Variants in IL22 observed in about 807,000 individuals in gnomAD.
The protein encoded by IL22 is interleukin 22.
In IL22, 15 loss-of-function variants were observed where a neutral mutation model predicts 15.5. The ratio of observed to expected loss-of-function variants is 0.97; its 90% CI spans 0.65 to 1.49. The LOEUF is 1.49. Among genes scored for constraint, IL22 ranks in the 40% most tolerant of loss-of-function variants. The pLI, the probability that IL22 is intolerant of heterozygous loss-of-function variation, is 0.00. For missense variants in IL22, 225 were observed against 215.4 expected, an observed-to-expected ratio of 1.04 and a Z score of -0.28; for synonymous variants, 91 against 82.0, an observed-to-expected ratio of 1.11 and a Z score of -0.60.
chr12:68,250,489 AAAAGGGGG>A (rs2227497), intron 5 of IL22, among the ~76,000 whole-genome samples: 38 of 152,318 alleles, frequency 2.5e-4, no homozygotes, highest in African/African-American at 9.1e-4. Context: ...TCAAGAGGGA[AAAAGGGGG>A]AATTAAGGTT....
rs779491310 is a variant in IL22, at chr12:68,252,567, G to A, written c.333C>T (p.Phe111=). The change falls in exon 4 of 6, where the codon TTC becomes TTT. Residue 111 remains phenylalanine (F), a synonymous_variant. Transcript: ENST00000538666. The part of the protein sequence containing the change: ...EEVLFPQSDR[F]QPYMQEVVPF... ...GCACCACCTCCTGCATATAAGGCTGGAACCTATCAGATTGAGGGAACAGCA... is the reference window on the plus strand; with the variant it reads ...GCACCACCTCCTGCATATAAGGCTGAAACCTATCAGATTGAGGGAACAGCA... 7 of 1,613,892 alleles carry A rather than the reference G, an allele frequency of 4.3e-6. No homozygotes were observed. The highest frequency in any genetic ancestry group is 1.6e-4 in the Middle Eastern group (1 of 6,080).
rs1295978671 is a variant in IL22, at chr12:68,252,648, C to T, written c.253-1G>A. On this transcript the variant is annotated splice_acceptor_variant, in intron 3 of 5. Transcript: ENST00000538666. LOFTEE classifies it high-confidence loss of function. ...TCATCAGATAGCAGCGCTCACTCAT[C>T]TGCAGGTGGAAGGGAAACAGAAAGG... The T allele has an allele frequency of 2.5e-6, 4 of 1,614,032 alleles. No homozygotes were observed.
In IL22 at chr12:68,252,417, G is replaced by A. The variant is rs189045648; in HGVS notation, c.396+87C>T. 5.7e-5 allele frequency: 76 copies of A among 1,341,258 alleles called. 2 individuals carry two copies. In the Admixed American group the frequency reaches 1.2e-3, roughly 22 times the overall value. 83.1% of individuals were successfully genotyped at this position (1,341,258 alleles called of 1,614,324 possible). On this transcript the variant is annotated intron_variant, in intron 4 of 5. Coordinates refer to ENST00000538666, the MANE Select transcript of IL22 (RefSeq NM_020525.5). ...CTTCTTCCTGCTAGCTTAGGGGTAG[G>A]GGGAAGGAGAGAGAGTTGGGGTAAG...
At chr12:68,253,142 A>T (rs953721691) in intron 2 of IL22, 121 bp downstream of exon 2, 15 of 809,492 alleles carry the variant, frequency 1.9e-5, no homozygotes, top group Non-Finnish European at 2.6e-5. Context: ...CAGAAAATTT[A>T]TCTACCCTCA....
At chr12:68,251,272 T>A (rs1869920158) in intron 5 of IL22, among the ~76,000 whole-genome samples, 1 of 152,106 alleles carries the variant, frequency 6.6e-6, no homozygotes, top group Admixed American at 6.5e-5. Flanking sequence ...CCCCAGAATC[T>A]GAGGTTATGT....
intron 4 of IL22, among the ~76,000 whole-genome samples, chr12:68,252,054 G>T (rs1352279859): frequency 6.6e-6 from 1 of 151,998 alleles, no homozygotes. Flanking sequence ...CGATTTTGTG[G>T]CTTCCCATGA....
At position 68,248,557 on chromosome 12, in the gene IL22, CA is replaced by C; in HGVS notation, c.*241del. On this transcript the variant is annotated 3_prime_UTR_variant, in exon 6 of 6. Coordinates refer to ENST00000538666, the MANE Select transcript of IL22 (RefSeq NM_020525.5). ...AAATTGTTTTCTGTGTATAGAACAC[CA>C]GTTACAATGAAATGTTATCAATAAA... is the stretch of plus-strand genomic sequence containing the variant. The C allele has an allele frequency of 2.5e-6, 1 of 397,366 alleles. No individual in the cohort carries two copies. The highest frequency in any genetic ancestry group is 4.5e-6 in the Non-Finnish European group (1 of 223,322). 24.6% of individuals were successfully genotyped at this position (397,366 alleles called of 1,614,324 possible).
chr12:68,249,244 ACTAT>A (rs950777276), intron 5 of IL22, among the ~76,000 whole-genome samples: 20 of 152,156 alleles, frequency 1.3e-4, no homozygotes, highest in Admixed American at 8.5e-4. Flanking sequence ...CAGCTCCAAA[ACTAT>A]CTATGACAGA....
intron 5 of IL22, 100 bp from the exon 6 acceptor site, chr12:68,248,976 C>G: frequency 1.1e-6 from 1 of 910,542 alleles, no homozygotes; most frequent in South Asian, 1.4e-5. Flanking sequence ...AGACAGAAAC[C>G]GAGTTTTAAG....
intron 2 of IL22, 45 bp from the exon 3 acceptor site, chr12:68,252,874 G>GA (rs763260635): frequency 1.7e-5 from 26 of 1,530,678 alleles, no homozygotes; most frequent in Non-Finnish European, 1.9e-5. Flanking sequence ...TGAGCAAATA[G>GA]AAAAAAAATT....
Position 68,253,362 on chromosome 12 carries a change from C to T in IL22, c.87G>A (p.Gln29=). The change falls in exon 2 of 6, where the codon CAG becomes CAA. Residue 29 remains glutamine (Q), a synonymous_variant. Coordinates refer to ENST00000538666, the MANE Select transcript of IL22 (RefSeq NM_020525.5). ...SCLLLLALLV[Q]GGAAAPISSH... The stretch of plus-strand genomic sequence containing the variant: ...AGCTGATGGGCGCAGCTGCTCCTCC[C>T]TGTACCAAGAGGGCCAAGAGAAGGA... 6.2e-7 allele frequency: 1 copy of T among 1,613,750 alleles called. No individual in the cohort carries two copies. The highest frequency in any genetic ancestry group is 8.5e-7 in the Non-Finnish European group (1 of 1,179,784).
intron 5 of IL22, 94 bp from the exon 6 acceptor site, chr12:68,248,970 A>G: frequency 1.1e-6 from 1 of 951,198 alleles, no homozygotes; most frequent in Non-Finnish European, 1.7e-6. Context: ...TGATGGAGAC[A>G]GAAACCGAGT....
At chr12:68,249,755 T>G (rs529313303) in intron 5 of IL22, among the ~76,000 whole-genome samples, 2 of 152,270 alleles carry the variant, frequency 1.3e-5, no homozygotes, top group South Asian at 4.1e-4. Flanking sequence ...CCTACTGAAA[T>G]TCCTCTAATC....
chr12:68,252,077 AAC>A (rs2120553968), intron 4 of IL22, among the ~76,000 whole-genome samples: 1 of 152,218 alleles, frequency 6.6e-6, no homozygotes, highest in Admixed American at 6.5e-5. Flanking sequence ...TCAACAGGGC[AAC>A]AGTCTGCCGA....
At position 68,248,778 on chromosome 12, in the gene IL22, C is replaced by A; in HGVS notation, c.*21G>T. 1 of 1,592,330 alleles carries A rather than the reference C, an allele frequency of 6.3e-7. No homozygotes were observed. Among genetic ancestry groups the A allele is most frequent in the East Asian group, 2.2e-5 (1 of 44,476 alleles). On this transcript the variant is annotated 3_prime_UTR_variant, in exon 6 of 6. Transcript: ENST00000538666. ...TAGCAGGGAAAGGGGGTTAGTTATTCATTTTTCAGCTTTGCTCTGGTCAAA... is the reference window on the plus strand; with the variant it reads ...TAGCAGGGAAAGGGGGTTAGTTATTAATTTTTCAGCTTTGCTCTGGTCAAA...
In IL22 at chr12:68,248,885, A is replaced by C. The variant is rs748307855; in HGVS notation, c.463-9T>G. The C allele has an allele frequency of 7.5e-6, 12 of 1,607,462 alleles. No individual in the cohort carries two copies. The highest frequency in any genetic ancestry group is 1.0e-5 in the Non-Finnish European group (12 of 1,174,700). ...TCTCCACTCTCTCCAAGCTGTGAAAATAAGAATGCAAAAGTATTTGAGCAT... is the reference window on the plus strand; with the variant it reads ...TCTCCACTCTCTCCAAGCTGTGAAACTAAGAATGCAAAAGTATTTGAGCAT... On this transcript the variant is annotated splice_polypyrimidine_tract_variant and intron_variant, in intron 5 of 5. Transcript: ENST00000538666.
rs1250418195 is a variant in IL22 at position 68,252,773 on chromosome 12, G to A, written c.243C>T (p.His81=). 2 of 1,613,680 alleles carry A rather than the reference G, an allele frequency of 1.2e-6. No homozygotes were observed. The highest frequency in any genetic ancestry group is 2.2e-5 in the East Asian group (1 of 44,892). Residue 81 remains histidine, a synonymous_variant, in exon 3 of 6, where the codon CAC becomes CAT. Coordinates refer to ENST00000538666, the MANE Select transcript of IL22 (RefSeq NM_020525.5). ...CACAACTGTAGCTTACACTGACTCC[G>A]TGGAACAGTTTCTCCCCAATGAGAC... ...DVRLIGEKLF[H]GVSMSERCYL... is the part of the protein sequence containing the mutation.
Position 68,248,731 on chromosome 12 carries a change from T to C in IL22, c.*68A>G. The C allele has an allele frequency of 7.7e-7, 1 of 1,301,098 alleles. No individual in the cohort carries two copies. Among genetic ancestry groups the C allele is most frequent in the Non-Finnish European group, 1.1e-6 (1 of 911,876 alleles). The allele number at this position is 1,301,098 out of a possible 1,614,324, so 80.6% of individuals were successfully genotyped here. ...TCCTTTTGGTTAAAAAAAATCGCTT[T>C]GGGGCATCTAATTGTTATTTCTAGC... On this transcript the variant is annotated 3_prime_UTR_variant, in exon 6 of 6. Transcript: ENST00000538666.
chr12:68,249,477 T>C (rs990879347), intron 5 of IL22, among the ~76,000 whole-genome samples: 3 of 152,246 alleles, frequency 2.0e-5, no homozygotes, highest in Non-Finnish European at 4.4e-5. Flanking sequence ...TGGACACTCC[T>C]GATTTAAAAC....
Sources: allele counts gnomAD v4.1 joint callset (sites outside exome capture counted in the v4.1 genomes callset), GRCh38; gene constraint gnomAD v4.1.1; transcripts MANE v1.5; gene names NCBI Gene and HGNC (gene_info 2026-07-23, HGNC 2026-07-21).